Variants in ASAP1 observed in about 807,000 individuals in gnomAD.
The protein encoded by ASAP1 is ArfGAP with SH3 domain, ankyrin repeat and PH domain 1, also known as arf-GAP with SH3 domain, ANK repeat and PH domain-containing protein 1.
In ASAP1, 43 loss-of-function variants were observed where a neutral mutation model predicts 145.2. The observed-to-expected ratio is 0.30, with a 90% confidence interval of 0.23 to 0.38. The LOEUF is 0.38. ASAP1 is among the 10% of genes least tolerant of loss of function. The probability of loss-of-function intolerance (pLI) is 1.00; values close to 1 mark genes in which losing one functional copy is unlikely to be tolerated. For missense variants in ASAP1, 1,018 were observed against 1,355.3 expected, an observed-to-expected ratio of 0.75 and a Z score of 3.91; for synonymous variants, 546 against 515.5, an observed-to-expected ratio of 1.06 and a Z score of -0.80.
At chr8:130,274,373 G>A (rs75082629) in intron 3 of ASAP1, among the ~76,000 whole-genome samples, 3,812 of 152,258 alleles carry the variant, frequency 0.025, 70 homozygotes, top group Non-Finnish European at 0.036. Context: ...TTTTGTTTTG[G>A]AGGAGGTGCA....
At chr8:130,233,323 C>A (rs1818022434) in intron 4 of ASAP1, among the ~76,000 whole-genome samples, 1 of 152,138 alleles carries the variant, frequency 6.6e-6, no homozygotes, top group Non-Finnish European at 1.5e-5. Context: ...ACACATCCAG[C>A]CAACATGTAG....
At chr8:130,421,498 A>G (rs1484563362) in intron 1 of ASAP1, among the ~76,000 whole-genome samples, 2 of 152,198 alleles carry the variant, frequency 1.3e-5, no homozygotes, top group African/African-American at 4.8e-5. Context: ...ACTTCTAGCT[A>G]AGGAATGAGA....
At chr8:130,158,652 G>A (rs951125435) in intron 12 of ASAP1, among the ~76,000 whole-genome samples, 1 of 152,178 alleles carries the variant, frequency 6.6e-6, no homozygotes, top group Non-Finnish European at 1.5e-5. Flanking sequence ...GGAACAAGAT[G>A]AGGTGGGACA....
At chr8:130,054,912 G>A in intron 29 of ASAP1, 107 bp from the exon 30 acceptor site, 1 of 850,764 alleles carries the variant, frequency 1.2e-6, no homozygotes, top group South Asian at 1.3e-5. Flanking sequence ...CCTGGCGGTG[G>A]AATCCCAGGC....
intron 1 of ASAP1, among the ~76,000 whole-genome samples, chr8:130,429,618 ACT>A (rs1830068008): frequency 6.6e-6 from 1 of 152,036 alleles, no homozygotes; most frequent in African/African-American, 2.4e-5. Context: ...CCCTCTGTAG[ACT>A]CTGTTTCAGG....
chr8:130,259,834 G>A (rs915814903), intron 3 of ASAP1, among the ~76,000 whole-genome samples: 24 of 152,174 alleles, frequency 1.6e-4, no homozygotes, highest in Admixed American at 1.3e-3. Flanking sequence ...AGAGTTCTAA[G>A]ACAAGCAAAC....
At chr8:130,152,702 C>T in intron 13 of ASAP1, 34 bp downstream of exon 13, 1 of 1,549,496 alleles carries the variant, frequency 6.5e-7, no homozygotes, top group Non-Finnish European at 8.9e-7. Flanking sequence ...GCTTTCTGGC[C>T]CATGAGGCAG....
chr8:130,136,640 TA>T (rs1408198867), intron 14 of ASAP1, among the ~76,000 whole-genome samples: 11 of 151,290 alleles, frequency 7.3e-5, no homozygotes, highest in Non-Finnish European at 1.5e-4. Flanking sequence ...AATGGGAATA[TA>T]CTAAGAAACA....
chr8:130,329,914 G>A (rs749512454), intron 3 of ASAP1, among the ~76,000 whole-genome samples: 1 of 152,128 alleles, frequency 6.6e-6, no homozygotes, highest in Non-Finnish European at 1.5e-5. Flanking sequence ...TAATTTTCTA[G>A]TCAACACATC....
At chr8:130,101,623 T>C (rs2097528899) in intron 24 of ASAP1, among the ~76,000 whole-genome samples, 1 of 151,516 alleles carries the variant, frequency 6.6e-6, no homozygotes, top group Admixed American at 6.6e-5. Context: ...CAGGCTGGAG[T>C]GCAGTAGCGT....
chr8:130,330,519 T>G (rs1824618544), intron 3 of ASAP1, among the ~76,000 whole-genome samples: 3 of 152,348 alleles, frequency 2.0e-5, no homozygotes, highest in Middle Eastern at 3.4e-3. Context: ...GTCTAATTCA[T>G]TCTGTTACCC....
chr8:130,245,087 C>G (rs533956633), intron 3 of ASAP1, among the ~76,000 whole-genome samples: 1 of 152,120 alleles, frequency 6.6e-6, no homozygotes, highest in South Asian at 2.1e-4. Flanking sequence ...GACCTGGCAG[C>G]CGCAGCTTAT....
chr8:130,079,683 C>T (rs543604203), intron 26 of ASAP1, among the ~76,000 whole-genome samples: 2 of 152,000 alleles, frequency 1.3e-5, no homozygotes, highest in Admixed American at 6.6e-5. Flanking sequence ...GGGTAGACAG[C>T]GTTGCTGCTC....
intron 3 of ASAP1, among the ~76,000 whole-genome samples, chr8:130,255,609 A>G (rs900574736): frequency 6.6e-6 from 1 of 152,322 alleles, no homozygotes; most frequent in Admixed American, 6.5e-5. Context: ...ATAAAAGCCT[A>G]ATTTTCAGGA....
At chr8:130,359,133 G>A (rs923002713) in intron 2 of ASAP1, among the ~76,000 whole-genome samples, 5 of 152,176 alleles carry the variant, frequency 3.3e-5, no homozygotes, top group African/African-American at 9.6e-5. Context: ...GTTGCCTTAG[G>A]TCGCTACAAT....
intron 5 of ASAP1, among the ~76,000 whole-genome samples, chr8:130,209,028 C>A (rs978140505): frequency 2.0e-5 from 3 of 152,062 alleles, no homozygotes; most frequent in African/African-American, 7.2e-5. Context: ...AATTGCAATT[C>A]CCCTGTAGGC....
chr8:130,061,219 G>A, intron 27 of ASAP1, 150 bp from the exon 28 acceptor site: 8 of 880,032 alleles, frequency 9.1e-6, no homozygotes, highest in Non-Finnish European at 1.3e-5. Context: ...CACCCAGGCA[G>A]TTTTACAAAG....
At position 130,368,251 on chromosome 8, in the gene ASAP1, TATC is replaced by T. The variant is rs747870127; in HGVS notation, c.60-10111_60-10109del. Among the ~76,000 whole-genome samples the T allele has an allele frequency of 4.6e-5, 7 of 152,340 alleles. No homozygotes were observed. The East Asian group carries it at 1.4e-3, about 29-fold the overall frequency. On this transcript the variant is annotated intron_variant, in intron 2 of 29. Coordinates refer to ENST00000518721, the MANE Select transcript of ASAP1 (RefSeq NM_018482.4). The stretch of plus-strand genomic sequence containing the variant: ...TAGACAGCAGAGAACTTATTTTCAA[TATC>T]ATATTATTTTCATGAATATTATTTT...
intron 7 of ASAP1, among the ~76,000 whole-genome samples, 158 bp downstream of exon 7, chr8:130,187,064 CAACCTCTTAGCCCT>C (rs1296491359): frequency 6.6e-6 from 1 of 152,148 alleles, no homozygotes; most frequent in Non-Finnish European, 1.5e-5. Flanking sequence ...TCAGTGTACC[CAACCTCTTAGCCCT>C]AATAAGGATA....
Sources: allele counts gnomAD v4.1 joint callset (sites outside exome capture counted in the v4.1 genomes callset), GRCh38; gene constraint gnomAD v4.1.1; transcripts MANE v1.5; gene names NCBI Gene and HGNC (gene_info 2026-07-23, HGNC 2026-07-21).